ATP2B1: variants seen among roughly 807,000 people sequenced by gnomAD.
ATP2B1 encodes plasma membrane calcium-transporting ATPase 1.
ATP2B1 carries 14 observed loss-of-function variants against 124.2 expected under a neutral mutation model. The observed-to-expected ratio is 0.11, with a 90% CI of 0.07 to 0.18. The LOEUF (loss-of-function observed/expected upper bound fraction) is 0.18, where lower values mean the gene tolerates loss of function less well. Among genes scored for constraint, ATP2B1 ranks in the 10% least tolerant of loss-of-function variants. The pLI, the probability that ATP2B1 is intolerant of heterozygous loss-of-function variation, is 1.00. For missense variants in ATP2B1, 763 were observed against 1,466.1 expected (o/e 0.52, Z 7.83); for synonymous variants, 449 against 492.4 (o/e 0.91, Z 1.17).
Position 89,590,960 on chromosome 12 carries a change from A to G in ATP2B1, c.*24T>C. 1 of 1,593,332 alleles carries G rather than the reference A, an allele frequency of 6.3e-7. No homozygotes were observed. On this transcript the variant is annotated 3_prime_UTR_variant, in exon 21 of 21. Coordinates refer to ENST00000428670, the MANE Select transcript of ATP2B1 (RefSeq NM_001366521.1). Reference sequence around the variant, plus strand: ...CAATTTGTTTCTTTACAATGCAGCTAGTGTGTTAACATTCAGCTTACAATC... The same window carrying G: ...CAATTTGTTTCTTTACAATGCAGCTGGTGTGTTAACATTCAGCTTACAATC...
Position 89,591,170 on chromosome 12 carries a change from G to C in ATP2B1, c.3477C>G (p.Ile1159Met), listed in dbSNP as rs1430921894. 6.2e-7 allele frequency: 1 copy of C among 1,613,110 alleles called. No homozygotes were observed. Among genetic ancestry groups the C allele is most frequent in the Non-Finnish European group, 8.5e-7 (1 of 1,179,400 alleles). Residue 1159 changes from isoleucine to methionine, a missense_variant, in exon 21 of 21, where the codon ATC (isoleucine) becomes ATG (methionine). By Grantham distance (10) the Ile-to-Met change is conservative. Transcript: ENST00000428670. Reference protein sequence around the residue: ...EFRIEDSEPHIPLIDDTDAED... With the variant: ...EFRIEDSEPHMPLIDDTDAED... ...CGGCATCAGTGTCATCAATAAGGGG[G>C]ATATGAGGCTCTGAATCTTCTATCC...
intron 1 of ATP2B1, among the ~76,000 whole-genome samples, chr12:89,682,774 C>T (rs189789973): frequency 3.0e-4 from 46 of 152,118 alleles, no homozygotes; most frequent in Non-Finnish European, 5.3e-4. Flanking sequence ...ACTCTGTAAT[C>T]GGAGTACAGG....
intron 2 of ATP2B1, among the ~76,000 whole-genome samples, chr12:89,644,129 A>C (rs965152464): frequency 2.0e-5 from 3 of 151,724 alleles, no homozygotes; most frequent in African/African-American, 7.3e-5. Flanking sequence ...TTCCGAAAAA[A>C]AAGAAAGAAA....
chr12:89,625,584 C>CAAAAAAAAAAAAAAAAAA (rs10560749), intron 8 of ATP2B1, among the ~76,000 whole-genome samples: 6 of 81,602 alleles, frequency 7.4e-5, no homozygotes, highest in African/African-American at 9.7e-5. Context: ...GACCCTGTCT[C>CAAAAAAAAAAAAAAAAAA]AAAAAAAAAA....
rs1165742744 is a variant in ATP2B1 at position 89,697,690 on chromosome 12, T to A, written c.-222+10906A>T. ...AAAGGCTTTTTTTTTTTTTTTTTTT[T>A]AAATATTAGCAGTCCTCTTAGTTCC... On this transcript the variant is annotated intron_variant, in intron 1 of 20. Coordinates refer to ENST00000428670, the MANE Select transcript of ATP2B1 (RefSeq NM_001366521.1). Among the ~76,000 whole-genome samples the A allele has an allele frequency of 9.5e-4, 91 of 95,628 alleles. No individual in the cohort carries two copies. The East Asian group carries it at 0.012, about 13-fold the overall frequency. 62.7% of individuals were successfully genotyped at this position (95,628 alleles called of 152,430 possible).
intron 2 of ATP2B1, among the ~76,000 whole-genome samples, chr12:89,643,808 A>C (rs112955323): frequency 0.013 from 1,979 of 152,338 alleles, 33 homozygotes; most frequent in African/African-American, 0.042. Flanking sequence ...ATGCTAGAGA[A>C]GCCAGGCACA....
At chr12:89,691,527 T>C (rs996136944) in intron 1 of ATP2B1, among the ~76,000 whole-genome samples, 3 of 152,166 alleles carry the variant, frequency 2.0e-5, no homozygotes, top group African/African-American at 7.2e-5. Flanking sequence ...AAAAATCTTC[T>C]GTCAATGTAC....
intron 5 of ATP2B1, among the ~76,000 whole-genome samples, chr12:89,631,255 C>T (rs1300500238): frequency 6.6e-6 from 1 of 152,134 alleles, no homozygotes; most frequent in Non-Finnish European, 1.5e-5. Flanking sequence ...ATTTACATTT[C>T]TCATATAAAC....
chr12:89,650,513 G>A (rs1050969731), intron 2 of ATP2B1, among the ~76,000 whole-genome samples: 1 of 152,160 alleles, frequency 6.6e-6, no homozygotes, highest in East Asian at 1.9e-4. Flanking sequence ...TGTGGGTTTT[G>A]TGTGTTTTGG....
chr12:89,664,248 C>T (rs762581442), intron 1 of ATP2B1, among the ~76,000 whole-genome samples: 12 of 152,202 alleles, frequency 7.9e-5, no homozygotes, highest in Non-Finnish European at 1.5e-4. Flanking sequence ...TGACTCACCT[C>T]CCTCCCTGGG....
chr12:89,669,750 TAA>T (rs1304336100), intron 1 of ATP2B1, among the ~76,000 whole-genome samples: 2 of 152,228 alleles, frequency 1.3e-5, no homozygotes, highest in East Asian at 3.8e-4. Context: ...TTGTCTCTAA[TAA>T]ACTCTCCTAT....
At chr12:89,683,228 T>C (rs1049349360) in intron 1 of ATP2B1, among the ~76,000 whole-genome samples, 4 of 152,200 alleles carry the variant, frequency 2.6e-5, no homozygotes, top group African/African-American at 4.8e-5. Flanking sequence ...AAATGTCATA[T>C]GGCAATTTTA....
intron 3 of ATP2B1, among the ~76,000 whole-genome samples, chr12:89,638,524 T>A (rs938949060): frequency 2.6e-5 from 4 of 152,220 alleles, no homozygotes; most frequent in African/African-American, 9.6e-5. Context: ...TGTGACATAA[T>A]AAATACAGAA....
Position 89,707,720 on chromosome 12 carries a change from T to C in ATP2B1, c.-222+876A>G, listed in dbSNP as rs558286279. On this transcript the variant is annotated intron_variant, in intron 1 of 20. Transcript: ENST00000428670. ...CACAGGGTGCGAGCACTCCCAGCGC[T>C]GCGAGTCCCGCAGAAAACTGGTGAA... Among the ~76,000 whole-genome samples the C allele has an allele frequency of 9.7e-4, 147 of 152,096 alleles. No individual in the cohort carries two copies. The Middle Eastern group carries it at 0.014, about 14-fold the overall frequency.
intron 3 of ATP2B1, among the ~76,000 whole-genome samples, chr12:89,640,526 T>C (rs1157172815): frequency 1.3e-5 from 2 of 152,220 alleles, no homozygotes; most frequent in African/African-American, 4.8e-5. Context: ...AAAACTGATT[T>C]ATGCTGTGTC....
At chr12:89,602,922 T>C in intron 18 of ATP2B1, 121 bp downstream of exon 18, 4 of 815,510 alleles carry the variant, frequency 4.9e-6, no homozygotes, top group Non-Finnish European at 7.8e-6. Flanking sequence ...CATGATATTA[T>C]ATATGTCACC....
intron 2 of ATP2B1, 59 bp downstream of exon 2, chr12:89,655,620 A>G: frequency 6.7e-7 from 1 of 1,498,458 alleles, no homozygotes; most frequent in Non-Finnish European, 9.2e-7. Context: ...GCTCATTTAT[A>G]AGCCAAATAT....
At chr12:89,624,149 C>T (rs1330485560) in intron 9 of ATP2B1, 34 bp downstream of exon 9, 3 of 1,589,190 alleles carry the variant, frequency 1.9e-6, no homozygotes, top group South Asian at 2.2e-5. Context: ...AGGCTTTAAA[C>T]ATAACAACGT....
chr12:89,614,912 T>G (rs1878691570), intron 12 of ATP2B1, among the ~76,000 whole-genome samples: 1 of 152,130 alleles, frequency 6.6e-6, no homozygotes, highest in African/African-American at 2.4e-5. Flanking sequence ...AATAATCTCA[T>G]TAGCTTCCCT....
Sources: gnomAD v4.1 joint callset for allele counts (sites outside exome capture counted in the v4.1 genomes callset) on GRCh38, gnomAD v4.1.1 for gene constraint, MANE v1.5 for transcripts, NCBI Gene and HGNC (gene_info 2026-07-23, HGNC 2026-07-21) for gene names.